The following FAM163A variants were observed in gnomAD, a reference collection of about 807,000 sequenced individuals.
FAM163A encodes protein FAM163A.
FAM163A carries 7 observed loss-of-function variants against 12.0 expected under a neutral mutation model. That is an observed-to-expected ratio of 0.58 (90% CI 0.33 to 1.10). The LOEUF (loss-of-function observed/expected upper bound fraction) is 1.10, where lower values mean the gene tolerates loss of function less well. Among genes scored for constraint, FAM163A ranks in the 50% least tolerant of loss-of-function variants. The pLI is 0.03. For missense variants in FAM163A, 202 were observed against 218.6 expected, an observed-to-expected ratio of 0.92 and a Z score of 0.48; for synonymous variants, 101 against 91.0, an observed-to-expected ratio of 1.11 and a Z score of -0.62.
At chr1:179,771,899 T>A (rs751656853) in intron 1 of FAM163A, among the ~76,000 whole-genome samples, 1 of 152,090 alleles carries the variant, frequency 6.6e-6, no homozygotes, top group Non-Finnish European at 1.5e-5. Context: ...TGCCTGGGCT[T>A]CTGATTATCT....
chr1:179,782,144 G>A (rs907092399), intron 1 of FAM163A, among the ~76,000 whole-genome samples: 3 of 152,204 alleles, frequency 2.0e-5, no homozygotes, highest in South Asian at 2.1e-4. Flanking sequence ...CTCACGGGCC[G>A]GGTGGAGTGA....
intron 1 of FAM163A, among the ~76,000 whole-genome samples, chr1:179,762,838 C>T (rs897148865): frequency 2.0e-5 from 3 of 152,128 alleles, no homozygotes; most frequent in Non-Finnish European, 4.4e-5. Context: ...ATACTTCAGG[C>T]GACATGATGA....
At chr1:179,730,273 T>A in the FAM163A span, 10 of 152,228 alleles carry the variant, frequency 6.6e-5, no homozygotes, top group Non-Finnish European at 1.3e-4. Flanking sequence ...AAGAAATGAT[T>A]TCCTCTTTCT....
chr1:179,813,199 C>T lies in FAM163A; in HGVS notation c.93+9C>T. The T allele has an allele frequency of 6.4e-7, 1 of 1,551,266 alleles. No individual in the cohort carries two copies. The highest frequency in any genetic ancestry group is 1.2e-5 in the South Asian group (1 of 84,056). ...GCTACTGCAGGCTCCAGGTCAGTCC[C>T]CGGGACCCGTAGCCAGAGGCTGCCA... is the stretch of plus-strand genomic sequence containing the variant. On this transcript the variant is annotated intron_variant, in intron 4 of 4. Transcript: ENST00000341785.
chr1:179,789,316 G>A (rs2148234756), intron 1 of FAM163A, among the ~76,000 whole-genome samples: 1 of 152,154 alleles, frequency 6.6e-6, no homozygotes, highest in Non-Finnish European at 1.5e-5. Context: ...CAAGTATCTG[G>A]GATTACAGGC....
At chr1:179,799,329 T>C (rs6425594) in intron 1 of FAM163A, among the ~76,000 whole-genome samples, 55,477 of 152,156 alleles carry the variant, frequency 0.36, 10,279 homozygotes, top group Middle Eastern at 0.5. Flanking sequence ...CCCTATCCCA[T>C]GACACTGGGC....
chr1:179,754,235 G>T (rs1685694868), intron 1 of FAM163A, among the ~76,000 whole-genome samples: 1 of 152,014 alleles, frequency 6.6e-6, no homozygotes, highest in Non-Finnish European at 1.5e-5. Flanking sequence ...AATCATACAG[G>T]CAGGGCACTA....
At chr1:179,767,239 C>A (rs1408391333) in intron 1 of FAM163A, among the ~76,000 whole-genome samples, 1 of 152,116 alleles carries the variant, frequency 6.6e-6, no homozygotes, top group Non-Finnish European at 1.5e-5. Context: ...AGAGAAGGGG[C>A]TGGACATGTT....
rs531292483 is a variant in FAM163A, at chr1:179,757,702, C to T, written c.-136+14279C>T. Among the ~76,000 whole-genome samples, 6 of 152,310 alleles carry T rather than the reference C, an allele frequency of 3.9e-5. No individual in the cohort carries two copies. In the South Asian group the frequency reaches 1.0e-3, roughly 26 times the overall value. ...TGGCACATGCCTGTAATCCCAGCTA[C>T]TCAGGAGGCTGAGGCAGGAGAATCA... On this transcript the variant is annotated intron_variant, in intron 1 of 4. Coordinates refer to ENST00000341785, the MANE Select transcript of FAM163A (RefSeq NM_173509.3).
At chr1:179,734,489 A>G in the FAM163A span, among the ~76,000 whole-genome samples, 1 of 152,236 alleles carries the variant, frequency 6.6e-6, no homozygotes, top group South Asian at 2.1e-4. Context: ...TTTATTTCTC[A>G]CCGTTCCATA....
chr1:179,749,819 A>G (rs1295800250), intron 1 of FAM163A, among the ~76,000 whole-genome samples: 2 of 152,232 alleles, frequency 1.3e-5, no homozygotes, highest in African/African-American at 4.8e-5. Context: ...AGATCATGCC[A>G]CTGCGCTCCA....
chr1:179,794,927 G>T (rs1471387725), intron 1 of FAM163A, among the ~76,000 whole-genome samples: 3 of 152,182 alleles, frequency 2.0e-5, no homozygotes, highest in Non-Finnish European at 4.4e-5. Flanking sequence ...GTCCCACTGA[G>T]CCATGAATCT....
At chr1:179,766,527 T>C (rs993263365) in intron 1 of FAM163A, among the ~76,000 whole-genome samples, 1 of 152,226 alleles carries the variant, frequency 6.6e-6, no homozygotes, top group African/African-American at 2.4e-5. Context: ...CAATTTCCCC[T>C]TGTATCTTTG....
the FAM163A span, among the ~76,000 whole-genome samples, chr1:179,736,256 G>A: frequency 1.3e-5 from 2 of 151,076 alleles, no homozygotes; most frequent in African/African-American, 2.4e-5. Context: ...CTTGGAAAGA[G>A]AAAATATTTA....
intron 1 of FAM163A, among the ~76,000 whole-genome samples, chr1:179,801,884 A>G (rs534413922): frequency 3.3e-5 from 5 of 152,268 alleles, no homozygotes; most frequent in South Asian, 2.1e-4. Context: ...TGTGCCCCCA[A>G]ATGGTCTAAA....
chr1:179,798,454 G>T (rs7555987), intron 1 of FAM163A, among the ~76,000 whole-genome samples: 4,440 of 152,272 alleles, frequency 0.029, 220 homozygotes, highest in African/African-American at 0.1. Flanking sequence ...AGTGGCTTCA[G>T]TGCAGCCCTG....
At chr1:179,806,806 A>T (rs1023543556) in intron 1 of FAM163A, among the ~76,000 whole-genome samples, 2 of 152,134 alleles carry the variant, frequency 1.3e-5, no homozygotes, top group African/African-American at 4.8e-5. Context: ...GGTTATTTAA[A>T]GATCAACACT....
rs531165485 is a variant in FAM163A, at chr1:179,794,731, T to G, written c.-135-13067T>G. On this transcript the variant is annotated intron_variant, in intron 1 of 4. Coordinates refer to ENST00000341785, the MANE Select transcript of FAM163A (RefSeq NM_173509.3). ...CTGGGAGATACAGAGATAAAGAAGCTGGGTCCCTGCATCAGAGGAGTTTAC... is the reference window on the plus strand; with the variant it reads ...CTGGGAGATACAGAGATAAAGAAGCGGGGTCCCTGCATCAGAGGAGTTTAC... Among the ~76,000 whole-genome samples, 92 of 152,272 alleles carry G rather than the reference T, an allele frequency of 6.0e-4. No homozygotes were observed. The Middle Eastern group carries it at 0.027, about 45-fold the overall frequency.
At chr1:179,795,373 G>A (rs1284370118) in intron 1 of FAM163A, among the ~76,000 whole-genome samples, 2 of 152,176 alleles carry the variant, frequency 1.3e-5, no homozygotes, top group Non-Finnish European at 2.9e-5. Flanking sequence ...CCGTTGTAAC[G>A]GTTTTAAGAG....
Sources: gnomAD v4.1 joint callset for allele counts (sites outside exome capture counted in the v4.1 genomes callset) on GRCh38, gnomAD v4.1.1 for gene constraint, MANE v1.5 for transcripts, NCBI Gene and HGNC (gene_info 2026-07-23, HGNC 2026-07-21) for gene names.